TPRN: variants seen among roughly 807,000 people sequenced by gnomAD.
TPRN encodes the protein taperin, also known as chromosome 9 open reading frame 75.
In TPRN, 32 loss-of-function variants were observed where a neutral mutation model predicts 42.6. The ratio of observed to expected loss-of-function variants is 0.75; its 90% CI spans 0.57 to 1.01. TPRN has a LOEUF of 1.01. Among genes scored for constraint, TPRN ranks in the 50% least tolerant of loss-of-function variants. The probability of loss-of-function intolerance (pLI) is 0.00; values close to 1 mark genes in which losing one functional copy is unlikely to be tolerated. For missense variants in TPRN, 1,095 were observed against 957.5 expected, an observed-to-expected ratio of 1.14 and a Z score of -1.90; for synonymous variants, 541 against 445.6, an observed-to-expected ratio of 1.21 and a Z score of -2.70.
At chr9:137,194,580 G>C (rs951186942) in intron 1 of TPRN, 2 of 152,512 alleles carry the variant, frequency 1.3e-5, no homozygotes, top group African/African-American at 4.8e-5. Flanking sequence ...GCACATGACC[G>C]GTCCCAGCAG....
Position 137,191,680 on chromosome 9 carries a change from G to A in TPRN, c.*432C>T, listed in dbSNP as rs1128565. The A allele has an allele frequency of 1.2e-5, 4 of 330,154 alleles. No individual in the cohort carries two copies. In the East Asian group the frequency reaches 2.3e-4, roughly 19 times the overall value. 20.5% of individuals were successfully genotyped at this position (330,154 alleles called of 1,614,324 possible). ...GGCAGGAAAGACGCCACTCATCACAGAGGGCATGTGGGCTGCGGGCAGGGG... is the reference window on the plus strand; with the variant it reads ...GGCAGGAAAGACGCCACTCATCACAAAGGGCATGTGGGCTGCGGGCAGGGG... On this transcript the variant is annotated 3_prime_UTR_variant, in exon 4 of 4. Transcript: ENST00000409012.
chr9:137,200,449 C>A lies in TPRN; in HGVS notation c.263G>T (p.Gly88Val), dbSNP rs1289730104. Reference protein sequence around the residue: ...RLLERYRRVPGVRALRADSVL... With the variant: ...RLLERYRRVPVVRALRADSVL... ...GCTGTCGGCGCGGAGGGCGCGCACG[C>A]CAGGCACGCGGCGGTACCGCTCCAG... The change falls in exon 1 of 4, where the codon GGC becomes GTC. Residue 88 changes from glycine to valine, a missense_variant. Coordinates refer to ENST00000409012, the MANE Select transcript of TPRN (RefSeq NM_001128228.3). The surrounding 1 kb of genome is among the most constrained non-coding windows in gnomAD (Gnocchi z 4.3). The A allele has an allele frequency of 3.6e-6, 4 of 1,123,206 alleles. No individual in the cohort carries two copies. Among genetic ancestry groups the A allele is most frequent in the Non-Finnish European group, 3.3e-6 (3 of 917,590 alleles). 69.6% of individuals were successfully genotyped at this position (1,123,206 alleles called of 1,614,324 possible).
Position 137,191,881 on chromosome 9 carries a change from G to A in TPRN, c.*231C>T. 1.6e-6 allele frequency: 1 copy of A among 611,492 alleles called. No homozygotes were observed. Among genetic ancestry groups the A allele is most frequent in the Non-Finnish European group, 2.9e-6 (1 of 339,850 alleles). 37.9% of individuals were successfully genotyped at this position (611,492 alleles called of 1,614,324 possible). A position where few individuals can be genotyped will look rare whatever the true frequency, so the allele number is the denominator to read the frequency against. On this transcript the variant is annotated 3_prime_UTR_variant, in exon 4 of 4. Transcript: ENST00000409012. ...GCAGGCCCCTGGCACTCACCCACAG[G>A]CAGTTCCCCACCCCACTTCCCCCTT...
In TPRN at chr9:137,199,924, G is replaced by C. The variant is rs1834775749; in HGVS notation, c.788C>G (p.Pro263Arg). The change falls in exon 1 of 4, where the codon CCC becomes CGC. Residue 263 changes from proline to arginine, a missense_variant. By Grantham distance (103) the Pro-to-Arg change is moderately radical (BLOSUM62 -2). Coordinates refer to ENST00000409012, the MANE Select transcript of TPRN (RefSeq NM_001128228.3). ...AGTGGCACTCGGGGTCCCGGGGCTG[G>C]GGGGCGGGTGGAGGGAGGGATCCCC... The part of the protein sequence containing the change: ...ESGDPSLHPP[P>R]SPGTPSATPA... 4 of 1,502,872 alleles carry C rather than the reference G, an allele frequency of 2.7e-6. No individual in the cohort carries two copies. Among genetic ancestry groups the C allele is most frequent in the Non-Finnish European group, 3.6e-6 (4 of 1,122,760 alleles). The allele number at this position is 1,502,872 out of a possible 1,614,324, so 93.1% of individuals were successfully genotyped here.
intron 1 of TPRN, among the ~76,000 whole-genome samples, chr9:137,195,678 C>T (rs1834695031): frequency 6.6e-6 from 1 of 152,130 alleles, no homozygotes; most frequent in South Asian, 2.1e-4. Context: ...GCCCTGGGGA[C>T]ACTGACACGC....
rs761948416 is a variant in TPRN at position 137,192,552 on chromosome 9, CCCTCTTCCTCCTCTT to C, written c.1850_1864del (p.Glu617_Glu621del). Reference sequence around the variant, plus strand: ...AAAGGGCTTCTCCTCTGAGCCGGATCCCTCTTCCTCCTCTTCCTCTTCCTCCTCCTCCTCCTCCTC... The same window carrying C: ...AAAGGGCTTCTCCTCTGAGCCGGATCCCTCTTCCTCCTCCTCCTCCTCCTC... On this transcript the variant is annotated inframe_deletion, in exon 2 of 4. Coordinates refer to ENST00000409012, the MANE Select transcript of TPRN (RefSeq NM_001128228.3). 6 of 1,610,168 alleles carry C rather than the reference CCCTCTTCCTCCTCTT, an allele frequency of 3.7e-6. No individual in the cohort carries two copies. The highest frequency in any genetic ancestry group is 3.3e-5 in the South Asian group (3 of 90,714).
In TPRN at chr9:137,200,210, GGGGCGGCGC is replaced by G. The variant is rs1434051914; in HGVS notation, c.493_501del (p.Ala165_Pro167del). ...GGGCTGGGGGCCGCGGGCGGGGGCCGGGGCGGCGCGGGCGGCGGCGGCGGCGGCGGGGGG... is the reference window on the plus strand; with the variant it reads ...GGGCTGGGGGCCGCGGGCGGGGGCCGGGGCGGCGGCGGCGGCGGCGGGGGG... On this transcript the variant is annotated inframe_deletion, in exon 1 of 4. Transcript: ENST00000409012. The surrounding 1 kb of genome is among the most constrained non-coding windows in gnomAD (Gnocchi z 4.3). 9 of 951,962 alleles carry G rather than the reference GGGGCGGCGC, an allele frequency of 9.5e-6. No individual in the cohort carries two copies. The highest frequency in any genetic ancestry group is 1.2e-4 in the East Asian group (1 of 8,378). The allele number at this position is 951,962 out of a possible 1,614,324, so 59.0% of individuals were successfully genotyped here. A position where few individuals can be genotyped will look rare whatever the true frequency, so the allele number is the denominator to read the frequency against.
Position 137,192,174 on chromosome 9 carries a change from G to A in TPRN, c.2074C>T (p.Leu692Phe). 6.2e-7 allele frequency: 1 copy of A among 1,613,580 alleles called. No homozygotes were observed. The highest frequency in any genetic ancestry group is 8.5e-7 in the Non-Finnish European group (1 of 1,180,020). ...AGGTCATTCTGACTGGCGGGTGTGAGCTGAAAGTGAGAGGACAGAATGTGG... is the reference window on the plus strand; with the variant it reads ...AGGTCATTCTGACTGGCGGGTGTGAACTGAAAGTGAGAGGACAGAATGTGG... ...EAEPPPVEAM[L>F]TPASQNDLSD... The change falls in exon 4 of 4, where the codon CTC (leucine) becomes TTC (phenylalanine). Residue 692 changes from leucine (L) to phenylalanine (F), a missense_variant and splice_region_variant. Physicochemically the swap from Leu to Phe is conservative, Grantham distance 22 (BLOSUM62 0). Coordinates refer to ENST00000409012, the MANE Select transcript of TPRN (RefSeq NM_001128228.3).
rs1452561206 is a variant in TPRN at position 137,199,916 on chromosome 9, C to G, written c.796G>C (p.Gly266Arg). 344 of 207,274 alleles carry G rather than the reference C, an allele frequency of 1.7e-3. No homozygotes were observed. The highest frequency in any genetic ancestry group is 5.1e-3 in the South Asian group (107 of 21,118). 12.8% of individuals were successfully genotyped at this position (207,274 alleles called of 1,614,324 possible). ...GAGGCTGGAGTGGCACTCGGGGTCC[C>G]GGGGCTGGGGGGCGGGTGGAGGGAG... is the stretch of plus-strand genomic sequence containing the variant. ...DPSLHPPPSPGTPSATPASPP... is the reference protein window; with the variant it reads ...DPSLHPPPSPRTPSATPASPP... The change falls in exon 1 of 4, where the codon GGG becomes CGG. Residue 266 changes from glycine (G) to arginine (R), a missense_variant. Transcript: ENST00000409012.
chr9:137,200,703 G>A lies in TPRN; in HGVS notation c.9C>T (p.Ala3=). The part of the protein sequence containing the change: MA[A]LGRPGSGPRA... ...GCGGCCCCGAGCCCGGCCGCCCCAG[G>A]GCGGCCATGCTGCGAACGCGGCAGC... Residue 3 remains alanine, a synonymous_variant, in exon 1 of 4, where the codon GCC becomes GCT. Transcript: ENST00000409012. The surrounding 1 kb of genome is among the most constrained non-coding windows in gnomAD (Gnocchi z 4.3). 8.4e-7 allele frequency: 1 copy of A among 1,189,784 alleles called. No homozygotes were observed. 73.7% of individuals were successfully genotyped at this position (1,189,784 alleles called of 1,614,324 possible). A position where few individuals can be genotyped will look rare whatever the true frequency, so the allele number is the denominator to read the frequency against.
At chr9:137,196,009 A>T (rs1388748929) in intron 1 of TPRN, among the ~76,000 whole-genome samples, 1 of 152,156 alleles carries the variant, frequency 6.6e-6, no homozygotes, top group Admixed American at 6.5e-5. Flanking sequence ...ACAGGCCAGC[A>T]GCTCCCCACT....
Position 137,192,181 on chromosome 9 carries a change from G to A in TPRN, c.2074-7C>T, listed in dbSNP as rs1347856259. The stretch of plus-strand genomic sequence containing the variant: ...TCTGACTGGCGGGTGTGAGCTGAAA[G>A]TGAGAGGACAGAATGTGGACACATG... On this transcript the variant is annotated splice_region_variant and splice_polypyrimidine_tract_variant and intron_variant, in intron 3 of 3. Coordinates refer to ENST00000409012, the MANE Select transcript of TPRN (RefSeq NM_001128228.3). 1.2e-6 allele frequency: 2 copies of A among 1,613,520 alleles called. No individual in the cohort carries two copies. Among genetic ancestry groups the A allele is most frequent in the South Asian group, 2.2e-5 (2 of 91,088 alleles).
intron 1 of TPRN, 140 bp from the exon 2 acceptor site, chr9:137,192,831 AG>A: frequency 1.1e-6 from 1 of 880,830 alleles, no homozygotes; most frequent in Non-Finnish European, 1.8e-6. Flanking sequence ...GGGCTCCAGG[AG>A]GGGGCACAGA....
chr9:137,200,332 C>A lies in TPRN; in HGVS notation c.380G>T (p.Gly127Val). ...GCGGCTGACGCGGCCGGGCGGCGCC[C>A]CGTACACCAGCACCTCGGCGGCGCG... ...QIRAAEVLVY[G>V]APPGRVSRLL... Residue 127 changes from glycine (G) to valine (V), a missense_variant, in exon 1 of 4, where the codon GGG (glycine) becomes GTG (valine). Physicochemically the swap from Gly to Val is moderately radical, Grantham distance 109. Transcript: ENST00000409012. The surrounding 1 kb of genome is among the most constrained non-coding windows in gnomAD (Gnocchi z 4.3). 9.8e-7 allele frequency: 1 copy of A among 1,020,288 alleles called. No homozygotes were observed. Among genetic ancestry groups the A allele is most frequent in the Non-Finnish European group, 1.2e-6 (1 of 857,416 alleles). The allele number at this position is 1,020,288 out of a possible 1,614,324, so 63.2% of individuals were successfully genotyped here.
rs1392169220 is a variant in TPRN, at chr9:137,200,031, G to A, written c.681C>T (p.Ala227=). ...TGGCAGGGCCGGCCCGGGGCTCAGG[G>A]GCCGAGTGCCCGTTGGAGAGCAGGC... ...GARLLSNGHS[A]PEPRAGPANR... is the part of the protein sequence containing the mutation. Residue 227 remains alanine (A), a synonymous_variant, in exon 1 of 4, where the codon GCC becomes GCT. Coordinates refer to ENST00000409012, the MANE Select transcript of TPRN (RefSeq NM_001128228.3). This position sits in a 1 kb window ranked among gnomAD's most constrained non-coding sequence, Gnocchi z 4.3. 6.9e-7 allele frequency: 1 copy of A among 1,441,594 alleles called. No individual in the cohort carries two copies. The highest frequency in any genetic ancestry group is 1.4e-5 in the African/African-American group (1 of 69,782). The allele number at this position is 1,441,594 out of a possible 1,614,324, so 89.3% of individuals were successfully genotyped here.
At position 137,199,551 on chromosome 9, in the gene TPRN, C is replaced by T. The variant is rs574347723; in HGVS notation, c.1161G>A (p.Glu387=). The T allele has an allele frequency of 1.3e-6, 2 of 1,560,472 alleles. No individual in the cohort carries two copies. Among genetic ancestry groups the T allele is most frequent in the South Asian group, 1.2e-5 (1 of 85,582 alleles). ...GAPALGKSPL[E]VEAQWAVEEG... ...CCTCGACTGCCCACTGTGCCTCGAC[C>T]TCCAGGGGGCTCTTCCCGAGGGCAG... The change falls in exon 1 of 4, where the codon GAG becomes GAA. Residue 387 remains glutamate, a synonymous_variant. Transcript: ENST00000409012.
intron 1 of TPRN, among the ~76,000 whole-genome samples, chr9:137,198,589 G>A (rs1834741023): frequency 6.6e-6 from 1 of 152,258 alleles, no homozygotes; most frequent in Non-Finnish European, 1.5e-5. Context: ...GGGCCTCCAG[G>A]AGACCATGTG....
chr9:137,195,989 AC>A (rs1834699179), intron 1 of TPRN, among the ~76,000 whole-genome samples: 1 of 151,994 alleles, frequency 6.6e-6, no homozygotes, highest in Admixed American at 6.5e-5. Flanking sequence ...GCAGGCCCCC[AC>A]CCCGGCACAC....
At chr9:137,198,147 G>A (rs575686087) in intron 1 of TPRN, among the ~76,000 whole-genome samples, 3 of 152,270 alleles carry the variant, frequency 2.0e-5, no homozygotes, top group Admixed American at 6.5e-5. Flanking sequence ...CGCCCCAGGC[G>A]CCCCCCCTCA....
Sources: gnomAD v4.1 joint callset for allele counts (sites outside exome capture counted in the v4.1 genomes callset) on GRCh38, gnomAD v4.1.1 for gene constraint, Gnocchi (gnomAD v3.1) non-coding constraint, MANE v1.5 for transcripts, NCBI Gene and HGNC (gene_info 2026-07-23, HGNC 2026-07-21) for gene names.